C5orf34: variants seen among roughly 807,000 people sequenced by gnomAD.
The protein encoded by C5orf34 is chromosome 5 open reading frame 34, also known as uncharacterized protein C5orf34.
C5orf34 carries 73 observed loss-of-function variants against 78.4 expected under a neutral mutation model. The observed-to-expected ratio is 0.93, with a 90% CI of 0.77 to 1.13. The LOEUF (loss-of-function observed/expected upper bound fraction) is 1.13. Among genes scored for constraint, C5orf34 ranks in the 50% most tolerant of loss-of-function variants. C5orf34 has a pLI of 0.00. For synonymous variants in C5orf34, 251 were observed against 246.6 expected (o/e 1.02, Z -0.17); for missense variants, 730 against 732.7 (o/e 1.00, Z 0.04).
Position 43,494,587 on chromosome 5 carries a change from A to G in C5orf34, c.1167T>C (p.Thr389=). ...QEGSGKREEK[T]YSVNNLPPDR... The stretch of plus-strand genomic sequence containing the variant: ...CTGGAGGAAGGTTATTTACTGAGTA[A>G]GTTTTCTCTTCTCTCTGAAAATTAG... The change falls in exon 7 of 13, where the codon ACT becomes ACC. Residue 389 remains threonine, a synonymous_variant. Transcript: ENST00000306862. 1 of 1,596,054 alleles carries G rather than the reference A, an allele frequency of 6.3e-7. No homozygotes were observed. The highest frequency in any genetic ancestry group is 8.6e-7 in the Non-Finnish European group (1 of 1,168,322).
chr5:43,489,567 G>A (rs1013281756), intron 11 of C5orf34, among the ~76,000 whole-genome samples: 22 of 152,066 alleles, frequency 1.4e-4, no homozygotes, highest in Non-Finnish European at 1.0e-4. Flanking sequence ...TTATAGACAA[G>A]TACAATTTTC....
At chr5:43,487,782 G>C in intron 12 of C5orf34, 127 bp downstream of exon 12, 1 of 676,634 alleles carries the variant, frequency 1.5e-6, no homozygotes, top group Non-Finnish European at 2.5e-6. Context: ...TTAGGTATTT[G>C]CTGACTCAAT....
chr5:43,496,991 C>T (rs974195560), intron 6 of C5orf34, among the ~76,000 whole-genome samples: 2 of 151,946 alleles, frequency 1.3e-5, no homozygotes, highest in Non-Finnish European at 2.9e-5. Flanking sequence ...CACCCCTTTC[C>T]CTTAAGACAA....
At chr5:43,509,998 C>G (rs1270167339) in intron 1 of C5orf34, among the ~76,000 whole-genome samples, 1 of 152,136 alleles carries the variant, frequency 6.6e-6, no homozygotes, top group African/African-American at 2.4e-5. Context: ...TGAGATCTGC[C>G]TGCCTCAGCC....
intron 1 of C5orf34, among the ~76,000 whole-genome samples, chr5:43,510,049 G>A (rs541930863): frequency 2.4e-4 from 37 of 152,034 alleles, no homozygotes; most frequent in African/African-American, 8.0e-4. Context: ...CACTGCGCCC[G>A]GCCTAAAGAA....
chr5:43,494,658 T>C, intron 6 of C5orf34, 57 bp from the exon 7 acceptor site: 1 of 934,316 alleles, frequency 1.1e-6, no homozygotes. Flanking sequence ...CCTTTATTAC[T>C]TAGCTGCTTT....
intron 1 of C5orf34, chr5:43,514,245 C>T (rs1298213055): frequency 1.3e-5 from 2 of 152,256 alleles, no homozygotes; most frequent in Admixed American, 6.5e-5. Flanking sequence ...TCTCTCCAAT[C>T]CATCTCTAGT....
rs142487794 is a variant in C5orf34 at position 43,503,119 on chromosome 5, A to G, written c.1028+546T>C. ...AAAAATTTAGCAGTGCTCTTCTAGCATTGTTCATGGAAGTGAAACTCTCAA... is the reference window on the plus strand; with the variant it reads ...AAAAATTTAGCAGTGCTCTTCTAGCGTTGTTCATGGAAGTGAAACTCTCAA... On this transcript the variant is annotated intron_variant, in intron 5 of 12. Coordinates refer to ENST00000306862, the MANE Select transcript of C5orf34 (RefSeq NM_198566.4). Among the ~76,000 whole-genome samples, 12 of 152,364 alleles carry G rather than the reference A, an allele frequency of 7.9e-5. No homozygotes were observed. The East Asian group carries it at 1.9e-3, about 24-fold the overall frequency.
At chr5:43,490,861 G>A in intron 10 of C5orf34, 132 bp from the exon 11 acceptor site, 2 of 499,110 alleles carry the variant, frequency 4.0e-6, no homozygotes, top group African/African-American at 2.0e-5. Context: ...AGCATTTACT[G>A]GGCAATTCTC....
chr5:43,505,263 C>T (rs1745931244), intron 4 of C5orf34, among the ~76,000 whole-genome samples: 1 of 152,196 alleles, frequency 6.6e-6, no homozygotes, highest in Admixed American at 6.5e-5. Context: ...TATTTATAGT[C>T]AGTGAACCAA....
In C5orf34 at chr5:43,495,886, C is replaced by T. The variant is rs1285663858; in HGVS notation, c.1153-1285G>A. ...TGTCACCATTCCAACCAGAAATTGG[C>T]ACAAATGCTACTGTGTCAGGGTTGT... On this transcript the variant is annotated intron_variant, in intron 6 of 12. Coordinates refer to ENST00000306862, the MANE Select transcript of C5orf34 (RefSeq NM_198566.4). The T allele has an allele frequency of 7.3e-5, 116 of 1,594,184 alleles. No homozygotes were observed. In the South Asian group the frequency reaches 8.7e-4, roughly 12 times the overall value.
Position 43,493,581 on chromosome 5 carries a change from A to G in C5orf34, c.1276T>C (p.Ser426Pro). ...ILQHCVKMRLSLSHNYRICCW... is the reference protein window; with the variant it reads ...ILQHCVKMRLPLSHNYRICCW... ...CATATACGATAGTTATGGCTTAAAG[A>G]AAGTCTCATCTTCACACAATGTTGA... The change falls in exon 8 of 13, where the codon TCT (serine) becomes CCT (proline). Residue 426 changes from serine (S) to proline (P), a missense_variant. Transcript: ENST00000306862. The G allele has an allele frequency of 6.3e-7, 1 of 1,582,644 alleles. No homozygotes were observed. Among genetic ancestry groups the G allele is most frequent in the South Asian group, 1.2e-5 (1 of 86,824 alleles).
chr5:43,505,604 G>T lies in C5orf34; in HGVS notation c.932+144C>A, dbSNP rs1579875202. ...AAAAACATAAGCAACACATTTGCTA[G>T]GGAAATTATTTACTATCAGTTAAAA... On this transcript the variant is annotated intron_variant, in intron 4 of 12. Coordinates refer to ENST00000306862, the MANE Select transcript of C5orf34 (RefSeq NM_198566.4). The T allele has an allele frequency of 2.8e-5, 20 of 710,422 alleles. No individual in the cohort carries two copies. The South Asian group carries it at 4.9e-4, about 17-fold the overall frequency. The allele number at this position is 710,422 out of a possible 1,614,324, so 44.0% of individuals were successfully genotyped here.
intron 2 of C5orf34, 51 bp from the exon 3 acceptor site, chr5:43,508,717 C>G (rs1561217069): frequency 4.5e-6 from 5 of 1,117,950 alleles, no homozygotes; most frequent in Non-Finnish European, 4.1e-6. Context: ...ATTTGAAAAT[C>G]AATTAAAAAT....
intron 1 of C5orf34, among the ~76,000 whole-genome samples, chr5:43,511,463 C>T (rs11959811): frequency 0.48 from 72,685 of 150,804 alleles, 18,360 homozygotes; most frequent in Middle Eastern, 0.61. Flanking sequence ...GGGGGCGCCT[C>T]TGCCTGGCCG....
intron 4 of C5orf34, among the ~76,000 whole-genome samples, chr5:43,504,913 T>C (rs1579874340): frequency 6.6e-6 from 1 of 152,250 alleles, no homozygotes; most frequent in African/African-American, 2.4e-5. Context: ...TTGTTTTAAA[T>C]AACAAATGTA....
intron 1 of C5orf34, among the ~76,000 whole-genome samples, chr5:43,511,624 T>C (rs1746264759): frequency 2.0e-5 from 3 of 152,178 alleles, no homozygotes; most frequent in Non-Finnish European, 2.9e-5. Flanking sequence ...AGAAATCAGA[T>C]TGTTGCTGTG....
chr5:43,495,106 C>T (rs780419440), intron 6 of C5orf34: 86 of 1,557,816 alleles, frequency 5.5e-5, no homozygotes, highest in African/African-American at 2.4e-4. Context: ...GGGCAGACTT[C>T]GTGACCTTGC....
chr5:43,512,002 G>A (rs1277475689), intron 1 of C5orf34, among the ~76,000 whole-genome samples: 1 of 141,712 alleles, frequency 7.1e-6, no homozygotes, highest in Non-Finnish European at 1.5e-5. Context: ...CCCCCTCTGT[G>A]AGAAACACCC....
Sources: gnomAD v4.1 joint callset for allele counts (sites outside exome capture counted in the v4.1 genomes callset) on GRCh38, gnomAD v4.1.1 for gene constraint, MANE v1.5 for transcripts, NCBI Gene and HGNC (gene_info 2026-07-23, HGNC 2026-07-21) for gene names.